Variants in UGT1A3 observed in about 807,000 individuals in gnomAD.
The protein encoded by UGT1A3 is UDP-glucuronosyltransferase 1A3.
In UGT1A3, 31 loss-of-function variants were observed where a neutral mutation model predicts 41.0. The ratio of observed to expected loss-of-function variants is 0.76; its 90% CI spans 0.57 to 1.02. The LOEUF is 1.02. Among genes scored for constraint, UGT1A3 ranks in the 50% least tolerant of loss-of-function variants. The probability of loss-of-function intolerance (pLI) is 0.00; values close to 1 mark genes in which losing one functional copy is unlikely to be tolerated. For missense variants in UGT1A3, 737 were observed against 671.0 expected, an observed-to-expected ratio of 1.10 and a Z score of -1.09; for synonymous variants, 262 against 257.6, an observed-to-expected ratio of 1.02 and a Z score of -0.17.
intron 2 of UGT1A3, among the ~76,000 whole-genome samples, chr2:233,767,609 C>G (rs1559414231): frequency 6.6e-6 from 1 of 152,118 alleles, no homozygotes; most frequent in Admixed American, 6.6e-5. Flanking sequence ...TGAAAAAATC[C>G]TAAGTGCACA....
intron 1 of UGT1A3, chr2:233,744,008 G>T (rs1692645925): frequency 1.7e-6 from 2 of 1,163,288 alleles, no homozygotes; most frequent in South Asian, 2.8e-5. Flanking sequence ...CGGAGACCTG[G>T]GCCGCCTGGA....
Position 233,729,304 on chromosome 2 carries a change from G to A in UGT1A3, c.178G>A (p.Val60Ile), listed in dbSNP as rs779287318. ...ELHARGHQAV[V>I]LTPEVNMHIK... ...CCATGCCAGAGGCCACCAGGCAGTG[G>A]TCCTCACCCCAGAGGTGAATATGCA... is the stretch of plus-strand genomic sequence containing the variant. Residue 60 changes from valine to isoleucine, a missense_variant, in exon 1 of 5, where the codon GTC (valine) becomes ATC (isoleucine). By Grantham distance (29) the Val-to-Ile change is conservative. Transcript: ENST00000482026. 10 of 1,614,264 alleles carry A rather than the reference G, an allele frequency of 6.2e-6. No homozygotes were observed. In the South Asian group the frequency reaches 1.1e-4, roughly 18 times the overall value.
In UGT1A3 at chr2:233,759,969, C is replaced by T. The variant is rs922270020; in HGVS notation, c.868-7065C>T. Among the ~76,000 whole-genome samples the T allele has an allele frequency of 3.3e-5, 5 of 152,292 alleles. No homozygotes were observed. The East Asian group carries it at 9.6e-4, about 29-fold the overall frequency. On this transcript the variant is annotated intron_variant, in intron 1 of 4. Transcript: ENST00000482026. ...GTTCACTACATAGTCGTCCTTCTTC[C>T]TCTCTGGTAACACTTGTTGGTCTGT...
intron 3 of UGT1A3, 36 bp downstream of exon 3, chr2:233,767,972 G>C (rs1383669551): frequency 1.9e-6 from 3 of 1,613,998 alleles, no homozygotes; most frequent in Non-Finnish European, 2.5e-6. Context: ...GGTCAAACCA[G>C]GGTCAAATTA....
rs138617806 is a variant in UGT1A3 at position 233,729,585 on chromosome 2, C to A, written c.459C>A (p.Pro153=). The A allele has an allele frequency of 2.5e-6, 4 of 1,613,966 alleles. No homozygotes were observed. The African/African-American group carries it at 5.3e-5, about 22-fold the overall frequency. ...ATSFDVVLTD[P]VNLCAAVLAK... The stretch of plus-strand genomic sequence containing the variant: ...CCTTTGATGTGGTTTTAACAGACCC[C>A]GTTAACCTCTGCGCGGCAGTGCTGG... The change falls in exon 1 of 5, where the codon CCC becomes CCA. Residue 153 remains proline (P), a synonymous_variant. Coordinates refer to ENST00000482026, the MANE Select transcript of UGT1A3 (RefSeq NM_019093.4).
At chr2:233,756,295 G>A (rs1165667347) in intron 1 of UGT1A3, 3 of 152,134 alleles carry the variant, frequency 2.0e-5, no homozygotes, top group East Asian at 3.8e-4. Flanking sequence ...CACAGTATTT[G>A]TATATAACCT....
chr2:233,746,330 C>T (rs1183707871), intron 1 of UGT1A3, among the ~76,000 whole-genome samples: 1 of 151,730 alleles, frequency 6.6e-6, no homozygotes, highest in African/African-American at 2.4e-5. Context: ...ATCTACAGGG[C>T]AATGGACATG....
intron 1 of UGT1A3, among the ~76,000 whole-genome samples, chr2:233,733,343 A>G (rs1239726536): frequency 4.6e-5 from 7 of 152,182 alleles, no homozygotes. Flanking sequence ...TTCCAACAGT[A>G]TGTTGAGTAG....
intron 1 of UGT1A3, among the ~76,000 whole-genome samples, chr2:233,734,381 T>A (rs1311461253): frequency 1.3e-5 from 2 of 152,186 alleles, no homozygotes; most frequent in Non-Finnish European, 2.9e-5. Context: ...TTGCCTTTAC[T>A]ATTTTTTATT....
rs755218546 is a variant in UGT1A3 at position 233,767,936 on chromosome 2, G to A, written c.1087G>A (p.Gly363Ser). The A allele has an allele frequency of 2.4e-5, 38 of 1,614,052 alleles. No homozygotes were observed. In the South Asian group the frequency reaches 4.2e-4, roughly 18 times the overall value. Residue 363 changes from glycine (G) to serine (S), a missense_variant and splice_region_variant, in exon 3 of 5, where the codon GGT becomes AGT. Coordinates refer to ENST00000482026, the MANE Select transcript of UGT1A3 (RefSeq NM_019093.4). ...GTGGCTACCCCAAAACGATCTGCTT[G>A]GTATGTTGGGCGGATTGGATGTATA... ...VKWLPQNDLL[G>S]HPMTRAFITH...
In UGT1A3 at chr2:233,755,120, A is replaced by G. The variant is rs768427236; in HGVS notation, c.868-11914A>G. 115 of 1,328,248 alleles carry G rather than the reference A, an allele frequency of 8.7e-5. 2 individuals are homozygous for G. Among genetic ancestry groups the G allele is most frequent in the Admixed American group, 1.9e-4 (10 of 52,520 alleles). 82.3% of individuals were successfully genotyped at this position (1,328,248 alleles called of 1,614,324 possible). On this transcript the variant is annotated intron_variant, in intron 1 of 4. Transcript: ENST00000482026. ...CGTCCGACAACACCTCGTAGGCCTC[A>G]GCCACCTGCTTGAATCTTCTCACCG...
chr2:233,768,337 C>A lies in UGT1A3; in HGVS notation c.1205C>A (p.Ala402Glu). 1 of 1,614,128 alleles carries A rather than the reference C, an allele frequency of 6.2e-7. No individual in the cohort carries two copies. Among genetic ancestry groups the A allele is most frequent in the African/African-American group, 1.3e-5 (1 of 75,022 alleles). ...TTGTTTGGTGATCAGATGGACAATG[C>A]AAAGCGCATGGAGACTAAGGGAGCT... The part of the protein sequence containing the change: ...MPLFGDQMDN[A>E]KRMETKGAGV... The change falls in exon 4 of 5, where the codon GCA becomes GAA. Residue 402 changes from alanine to glutamate, a missense_variant. Coordinates refer to ENST00000482026, the MANE Select transcript of UGT1A3 (RefSeq NM_019093.4).
rs1478087363 is a variant in UGT1A3 at position 233,769,799 on chromosome 2, G to A, written c.1307+1360G>A. 4.2e-6 allele frequency: 5 copies of A among 1,197,998 alleles called. No individual in the cohort carries two copies. Among genetic ancestry groups the A allele is most frequent in the Admixed American group, 5.9e-5 (2 of 34,170 alleles). 74.2% of individuals were successfully genotyped at this position (1,197,998 alleles called of 1,614,324 possible). A position where few individuals can be genotyped will look rare whatever the true frequency, so the allele number is the denominator to read the frequency against. ...GAGCCCAGAAGTTGGAGGCTGCTAT[G>A]AGCCGTGATCATGCCACTGCACTCC... On this transcript the variant is annotated intron_variant, in intron 4 of 4. Transcript: ENST00000482026. This position sits in a 1 kb window ranked among gnomAD's most constrained non-coding sequence, Gnocchi z 4.4.
intron 1 of UGT1A3, among the ~76,000 whole-genome samples, chr2:233,765,971 T>A (rs950382144): frequency 6.6e-6 from 1 of 152,072 alleles, no homozygotes; most frequent in African/African-American, 2.4e-5. Context: ...TAGAGGTGGA[T>A]GTTTACAGCT....
chr2:233,762,899 T>C (rs1698190736), intron 1 of UGT1A3, among the ~76,000 whole-genome samples: 1 of 152,218 alleles, frequency 6.6e-6, no homozygotes, highest in Non-Finnish European at 1.5e-5. Context: ...ATGCCAAATA[T>C]CAGGGCTATT....
rs1362745678 is a variant in UGT1A3 at position 233,729,380 on chromosome 2, C to T, written c.254C>T (p.Thr85Ile). The change falls in exon 1 of 5, where the codon ACC becomes ATC. Residue 85 changes from threonine (T) to isoleucine (I), a missense_variant. Thr to Ile is a moderately conservative substitution (Grantham distance 89, BLOSUM62 -1). Coordinates refer to ENST00000482026, the MANE Select transcript of UGT1A3 (RefSeq NM_019093.4). ...CTGACAACCTATGCCATTTCGTGGA[C>T]CCAGGATGAATTTGATCGCCATGTG... The part of the protein sequence containing the change: ...FTLTTYAISW[T>I]QDEFDRHVLG... 2 of 1,613,892 alleles carry T rather than the reference C, an allele frequency of 1.2e-6. No individual in the cohort carries two copies. Among genetic ancestry groups the T allele is most frequent in the Admixed American group, 3.3e-5 (2 of 60,024 alleles).
rs555064194 is a variant in UGT1A3 at position 233,744,160 on chromosome 2, C to T, written c.867+14167C>T. ...TGTGATGCTCCAAGACCAGGCCCCG[C>T]CCACTCCGGCCTCCAACCAGCCATG... On this transcript the variant is annotated intron_variant, in intron 1 of 4. Coordinates refer to ENST00000482026, the MANE Select transcript of UGT1A3 (RefSeq NM_019093.4). 16 of 294,652 alleles carry T rather than the reference C, an allele frequency of 5.4e-5. No homozygotes were observed. In the East Asian group the frequency reaches 1.5e-3, roughly 28 times the overall value. 18.3% of individuals were successfully genotyped at this position (294,652 alleles called of 1,614,324 possible).
At chr2:233,747,977 G>A (rs1693826207) in intron 1 of UGT1A3, 1 of 1,613,358 alleles carries the variant, frequency 6.2e-7, no homozygotes, top group Non-Finnish European at 8.5e-7. Context: ...CATCTGTGTG[G>A]CTGTTCCGAG....
chr2:233,772,380 C>A lies in UGT1A3; in HGVS notation c.1426C>A (p.Arg476Ser), dbSNP rs566674185. ...GAGGCACAAGGGCGCGCCACACCTG[C>A]GCCCCGCAGCCCACGACCTCACCTG... ...VMRHKGAPHL[R>S]PAAHDLTWYQ... Residue 476 changes from arginine to serine, a missense_variant, in exon 5 of 5, where the codon CGC becomes AGC. Transcript: ENST00000482026. The A allele has an allele frequency of 6.2e-7, 1 of 1,614,262 alleles. No homozygotes were observed. The highest frequency in any genetic ancestry group is 1.1e-5 in the South Asian group (1 of 91,086).
Sources: gnomAD v4.1 joint callset for allele counts (sites outside exome capture counted in the v4.1 genomes callset) on GRCh38, gnomAD v4.1.1 for gene constraint, Gnocchi (gnomAD v3.1) non-coding constraint, MANE v1.5 for transcripts, NCBI Gene and HGNC (gene_info 2026-07-23, HGNC 2026-07-21) for gene names.